Variants in VRK3 observed in about 807,000 individuals in gnomAD.
VRK3 encodes serine/threonine-protein kinase VRK3.
VRK3 carries 50 observed loss-of-function variants against 60.4 expected under a neutral mutation model. That is an observed-to-expected ratio of 0.83 (90% confidence interval 0.66 to 1.05). The LOEUF (loss-of-function observed/expected upper bound fraction) is 1.05, where lower values mean the gene tolerates loss of function less well. VRK3 is among the 50% of genes least tolerant of loss of function. The pLI is 0.00. For missense variants in VRK3, 549 were observed against 585.3 expected, an observed-to-expected ratio of 0.94 and a Z score of 0.64; for synonymous variants, 246 against 227.8, an observed-to-expected ratio of 1.08 and a Z score of -0.72.
At chr19:50,025,206 C>G (rs2077249551) in intron 1 of VRK3, 61 bp downstream of exon 1, 1 of 152,338 alleles carries the variant, frequency 6.6e-6, no homozygotes, top group African/African-American at 2.4e-5. Context: ...CACGGACGCC[C>G]CGGCCGAGCT....
rs2076334482 is a variant in VRK3, at chr19:49,976,556, G to A, written c.*240C>T. 1.3e-5 allele frequency: 2 copies of A among 152,714 alleles called. No individual in the cohort carries two copies. The highest frequency in any genetic ancestry group is 4.8e-5 in the African/African-American group (2 of 41,452). 9.5% of individuals were successfully genotyped at this position (152,714 alleles called of 1,614,324 possible). On this transcript the variant is annotated 3_prime_UTR_variant, in exon 15 of 15. Transcript: ENST00000316763. ...GGCCGGCCCAACCCCATCCAGCTTT[G>A]CTAGGACACTGGCTGAAGGGCAGGC...
At chr19:50,007,418 G>A in intron 5 of VRK3, 151 bp downstream of exon 5, 1 of 1,169,296 alleles carries the variant, frequency 8.6e-7, no homozygotes, top group Non-Finnish European at 1.2e-6. Flanking sequence ...CAGGTGGGTA[G>A]GTATAGAGTC....
At chr19:50,010,081 CACAT>C (rs561758739) in intron 3 of VRK3, among the ~76,000 whole-genome samples, 210 of 151,814 alleles carry the variant, frequency 1.4e-3, no homozygotes, top group Non-Finnish European at 2.5e-3. Flanking sequence ...CACATATACA[CACAT>C]ACAATGATTG....
intron 1 of VRK3, among the ~76,000 whole-genome samples, chr19:50,021,866 A>G (rs1040494752): frequency 1.3e-5 from 2 of 152,246 alleles, no homozygotes; most frequent in Admixed American, 6.5e-5. Flanking sequence ...GGTATTATCT[A>G]CAGAACCTTC....
At chr19:49,994,271 A>G (rs570530257) in intron 9 of VRK3, among the ~76,000 whole-genome samples, 1 of 152,158 alleles carries the variant, frequency 6.6e-6, no homozygotes, top group East Asian at 1.9e-4. Flanking sequence ...GGCCCCTCCC[A>G]CTAGACTGTG....
chr19:50,002,688 T>A (rs975763191), intron 5 of VRK3, among the ~76,000 whole-genome samples: 4 of 152,048 alleles, frequency 2.6e-5, no homozygotes, highest in Non-Finnish European at 1.5e-5. Flanking sequence ...CAATTTTCAT[T>A]GTAGAGGGAG....
At position 49,992,857 on chromosome 19, in the gene VRK3, T is replaced by C; in HGVS notation, c.963+3A>G. 1 of 1,614,100 alleles carries C rather than the reference T, an allele frequency of 6.2e-7. No homozygotes were observed. Among genetic ancestry groups the C allele is most frequent in the Non-Finnish European group, 8.5e-7 (1 of 1,179,988 alleles). Reference sequence around the variant, plus strand: ...TCCAGAGTGGGCAGGAGCTGGCTCTTACCTGACTCTGGTCCTCTGGATCCA... The same window carrying C: ...TCCAGAGTGGGCAGGAGCTGGCTCTCACCTGACTCTGGTCCTCTGGATCCA... On this transcript the variant is annotated splice_donor_region_variant and intron_variant, in intron 10 of 14. Coordinates refer to ENST00000316763, the MANE Select transcript of VRK3 (RefSeq NM_016440.4).
intron 12 of VRK3, among the ~76,000 whole-genome samples, chr19:49,983,643 C>T (rs185737908): frequency 2.0e-4 from 31 of 152,338 alleles, no homozygotes; most frequent in African/African-American, 7.0e-4. Flanking sequence ...CAGAAAGCCT[C>T]GGGGACTTCA....
chr19:50,010,130 T>C (rs907119212), intron 3 of VRK3, among the ~76,000 whole-genome samples: 10 of 152,068 alleles, frequency 6.6e-5, no homozygotes, highest in Non-Finnish European at 2.9e-5. Context: ...CATATATACA[T>C]ATATAGACAC....
At chr19:49,990,688 T>C (rs184588454) in intron 10 of VRK3, among the ~76,000 whole-genome samples, 8 of 152,272 alleles carry the variant, frequency 5.3e-5, no homozygotes, top group Admixed American at 2.0e-4. Flanking sequence ...ATATGGATAG[T>C]GGACAACTGT....
At chr19:49,986,700 G>A (rs569773626) in intron 12 of VRK3, 1 of 152,292 alleles carries the variant, frequency 6.6e-6, no homozygotes, top group African/African-American at 2.4e-5. Context: ...CTAAGGACAG[G>A]GAAACATGAG....
chr19:49,984,291 C>A (rs1002845437), intron 12 of VRK3, among the ~76,000 whole-genome samples: 1 of 152,138 alleles, frequency 6.6e-6, no homozygotes, highest in African/African-American at 2.4e-5. Context: ...GCACTGAATG[C>A]GTAAGTGGAG....
At chr19:50,019,594 C>T (rs563921242) in intron 2 of VRK3, among the ~76,000 whole-genome samples, 9 of 148,184 alleles carry the variant, frequency 6.1e-5, no homozygotes, top group Admixed American at 4.8e-4. Flanking sequence ...ACTGCGGCCT[C>T]GAGCTCTTGG....
chr19:50,023,244 GGC>G, intron 1 of VRK3, among the ~76,000 whole-genome samples: 1 of 152,312 alleles, frequency 6.6e-6, no homozygotes, highest in Non-Finnish European at 1.5e-5. Flanking sequence ...GGAGTGCAAT[GGC>G]ACGATCTCGG....
chr19:50,009,766 T>C (rs954582929), intron 3 of VRK3, among the ~76,000 whole-genome samples: 3 of 152,244 alleles, frequency 2.0e-5, no homozygotes, highest in Admixed American at 6.5e-5. Flanking sequence ...CCCAAGTAGC[T>C]AGGATTACAG....
chr19:50,018,691 A>G (rs2077114791), intron 2 of VRK3, among the ~76,000 whole-genome samples: 1 of 152,184 alleles, frequency 6.6e-6, no homozygotes, highest in Non-Finnish European at 1.5e-5. Context: ...AATAATATGT[A>G]AAATAACATC....
chr19:50,009,814 T>C lies in VRK3; in HGVS notation c.140-429A>G, dbSNP rs146838314. On this transcript the variant is annotated intron_variant, in intron 3 of 14. Transcript: ENST00000316763. Reference sequence around the variant, plus strand: ...ATGCCTGTAATGTTGCTAATTTTTATAGTTTTAGTAGAGATGGGGTTTCAC... The same window carrying C: ...ATGCCTGTAATGTTGCTAATTTTTACAGTTTTAGTAGAGATGGGGTTTCAC... Among the ~76,000 whole-genome samples the C allele has an allele frequency of 2.7e-4, 41 of 152,232 alleles. No homozygotes were observed. The East Asian group carries it at 7.5e-3, about 28-fold the overall frequency.
At chr19:50,021,096 A>C (rs1224802842) in intron 1 of VRK3, among the ~76,000 whole-genome samples, 1 of 152,218 alleles carries the variant, frequency 6.6e-6, no homozygotes, top group African/African-American at 2.4e-5. Context: ...AATATCTGGG[A>C]AGGAGTCCTC....
intron 3 of VRK3, among the ~76,000 whole-genome samples, chr19:50,013,507 C>A (rs184982872): frequency 1.3e-5 from 2 of 152,360 alleles, no homozygotes; most frequent in Admixed American, 1.3e-4. Context: ...GCTAAACACA[C>A]TCCCAAATGA....
Sources: gnomAD v4.1 joint callset for allele counts (sites outside exome capture counted in the v4.1 genomes callset) on GRCh38, gnomAD v4.1.1 for gene constraint, MANE v1.5 for transcripts, NCBI Gene and HGNC (gene_info 2026-07-23, HGNC 2026-07-21) for gene names.